The following DNAH14 variants were observed in gnomAD, a reference collection of about 807,000 sequenced individuals.
DNAH14 encodes the protein dynein axonemal heavy chain 14, also known as axonemal beta dynein heavy chain 14.
DNAH14 carries 478 observed loss-of-function variants against 520.9 expected under a neutral mutation model. The observed-to-expected ratio is 0.92, with a 90% CI of 0.85 to 0.99. The LOEUF is 0.99. DNAH14 is among the 50% of genes least tolerant of loss of function. The probability of loss-of-function intolerance (pLI) is 0.00; values close to 1 mark genes in which losing one functional copy is unlikely to be tolerated. For synonymous variants in DNAH14, 1,581 were observed against 1,757.2 expected, an observed-to-expected ratio of 0.90 and a Z score of 2.51; for missense variants, 4,831 against 5,234.5, an observed-to-expected ratio of 0.92 and a Z score of 2.38.
In DNAH14 at chr1:225,232,273, A is replaced by ATT. The variant is rs1417267596; in HGVS notation, c.6518+1123_6518+1124insTT. 6.9e-6 allele frequency among the ~76,000 whole-genome samples: 1 copy of ATT among 144,296 alleles called. No homozygotes were observed. The highest frequency in any genetic ancestry group is 2.7e-5 in the African/African-American group (1 of 37,288). The allele number at this position is 144,296 out of a possible 152,430, so 94.7% of individuals were successfully genotyped here. A position where few individuals can be genotyped will look rare whatever the true frequency, so the allele number is the denominator to read the frequency against. ...TCATTATATATATAAACTGTGATATATATATATACACACACACACACACAC... is the reference window on the plus strand; with the variant it reads ...TCATTATATATATAAACTGTGATATATTTATATATACACACACACACACACAC... On this transcript the variant is annotated intron_variant, in intron 42 of 85. Coordinates refer to ENST00000682510, the MANE Select transcript of DNAH14 (RefSeq NM_001367479.1). The surrounding 1 kb of genome is among the most constrained non-coding windows in gnomAD (Gnocchi z 4.2).
intron 27 of DNAH14, among the ~76,000 whole-genome samples, chr1:225,135,537 T>G (rs1484569599): frequency 6.6e-6 from 1 of 152,202 alleles, no homozygotes; most frequent in Admixed American, 6.5e-5. Flanking sequence ...ATTTCAGGTC[T>G]TCTGCATTTG....
chr1:225,044,337 G>A (rs1479441907), intron 15 of DNAH14, among the ~76,000 whole-genome samples: 1 of 152,064 alleles, frequency 6.6e-6, no homozygotes, highest in Non-Finnish European at 1.5e-5. Flanking sequence ...TAATTATTTT[G>A]CAGCTGTATG....
At chr1:224,956,728 A>T (rs1300370706) in intron 3 of DNAH14, among the ~76,000 whole-genome samples, 3 of 152,052 alleles carry the variant, frequency 2.0e-5, no homozygotes, top group Non-Finnish European at 4.4e-5. Flanking sequence ...CTGCCTGAAG[A>T]TGGGTATATT....
intron 44 of DNAH14, among the ~76,000 whole-genome samples, chr1:225,254,390 C>G (rs2092665999): frequency 6.6e-6 from 1 of 152,130 alleles, no homozygotes; most frequent in African/African-American, 2.4e-5. Context: ...AAGTCAGATG[C>G]TGGGCAATGA....
chr1:225,096,133 TTTG>T (rs59833560), intron 21 of DNAH14, among the ~76,000 whole-genome samples: 22 of 150,590 alleles, frequency 1.5e-4, no homozygotes, highest in African/African-American at 4.7e-4. Flanking sequence ...GCCTGACTAA[TTTG>T]TTGTTGTTGT....
At chr1:225,099,301 G>T (rs2075249633) in intron 22 of DNAH14, among the ~76,000 whole-genome samples, 1 of 152,136 alleles carries the variant, frequency 6.6e-6, no homozygotes, top group Non-Finnish European at 1.5e-5. Flanking sequence ...ACTAGCGCTT[G>T]CCTCTTCTCT....
At chr1:225,302,873 A>C (rs1431572884) in intron 56 of DNAH14, among the ~76,000 whole-genome samples, 2 of 152,174 alleles carry the variant, frequency 1.3e-5, no homozygotes, top group African/African-American at 4.8e-5. Context: ...AGTCAGACCC[A>C]GCACCATCTG....
At chr1:225,275,116 G>A (rs964266535) in intron 52 of DNAH14, among the ~76,000 whole-genome samples, 1 of 152,090 alleles carries the variant, frequency 6.6e-6, no homozygotes, top group African/African-American at 2.4e-5. Context: ...TCAAACCTAG[G>A]ATATCTAATG....
At chr1:225,368,351 A>G (rs369493537) in intron 77 of DNAH14, among the ~76,000 whole-genome samples, 106 of 152,340 alleles carry the variant, frequency 7.0e-4, no homozygotes, top group African/African-American at 2.4e-3. Flanking sequence ...GAGGATCATT[A>G]TGTAATTATA....
At chr1:225,196,207 G>A (rs2086107904) in intron 38 of DNAH14, among the ~76,000 whole-genome samples, 1 of 151,838 alleles carries the variant, frequency 6.6e-6, no homozygotes. Context: ...AGTCCACTGT[G>A]TCATTCTTAT....
intron 66 of DNAH14, among the ~76,000 whole-genome samples, chr1:225,335,123 G>A (rs1161036712): frequency 6.9e-5 from 10 of 144,722 alleles, no homozygotes; most frequent in South Asian, 2.1e-4. Context: ...ATATACATGT[G>A]TACATATGTG....
chr1:225,367,246 G>A (rs957288530), intron 76 of DNAH14, among the ~76,000 whole-genome samples: 8 of 151,992 alleles, frequency 5.3e-5, no homozygotes, highest in East Asian at 1.9e-4. Flanking sequence ...CCTCAGTCTC[G>A]CATCATTTCC....
chr1:225,079,414 C>T lies in DNAH14; in HGVS notation c.2632C>T (p.Leu878Phe). The change falls in exon 18 of 86, where the codon CTT (leucine) becomes TTT (phenylalanine). Residue 878 changes from leucine to phenylalanine, a missense_variant. Coordinates refer to ENST00000682510, the MANE Select transcript of DNAH14 (RefSeq NM_001367479.1). ...EQIAIFQVLLLKFSQLKSSMK... is the reference protein window; with the variant it reads ...EQIAIFQVLLFKFSQLKSSMK... ...AATTGCCATATTCCAAGTTCTTCTT[C>T]TTAAGTTTAGTCAACTAAAATCATC... 3.9e-6 allele frequency: 6 copies of T among 1,550,242 alleles called. No homozygotes were observed. The highest frequency in any genetic ancestry group is 5.2e-6 in the Non-Finnish European group (6 of 1,146,650).
At chr1:224,972,612 C>G (rs2061567023) in intron 7 of DNAH14, among the ~76,000 whole-genome samples, 1 of 151,920 alleles carries the variant, frequency 6.6e-6, no homozygotes, top group African/African-American at 2.4e-5. Flanking sequence ...ACTACAGGCG[C>G]CTGCCACCAC....
intron 72 of DNAH14, among the ~76,000 whole-genome samples, chr1:225,352,427 G>A (rs1241387179): frequency 6.6e-6 from 1 of 151,896 alleles, no homozygotes; most frequent in African/African-American, 2.4e-5. Flanking sequence ...ATTATATTAT[G>A]CAATAACATA....
intron 23 of DNAH14, among the ~76,000 whole-genome samples, chr1:225,116,000 G>A (rs1053593942): frequency 6.6e-6 from 1 of 152,186 alleles, no homozygotes; most frequent in African/African-American, 2.4e-5. Context: ...AATGATAACT[G>A]GTCTTGAAAG....
At position 225,252,366 on chromosome 1, in the gene DNAH14, T is replaced by C. The variant is rs2092586521; in HGVS notation, c.6814T>C (p.Phe2272Leu). Residue 2272 changes from phenylalanine (F) to leucine (L), a missense_variant, in exon 44 of 86, where the codon TTC (phenylalanine) becomes CTC (leucine). By Grantham distance (22) the Phe-to-Leu change is conservative. Transcript: ENST00000682510. ...GYFVDIEQCE[F>L]IPWSDLVPND... ...TTTTGTGGATATAGAGCAATGTGAA[T>C]TCATACCTTGGTCAGATTTAGTTCC... is the stretch of plus-strand genomic sequence containing the variant. The C allele has an allele frequency of 6.5e-7, 1 of 1,549,726 alleles. No homozygotes were observed. The highest frequency in any genetic ancestry group is 2.0e-5 in the Admixed American group (1 of 50,884).
chr1:225,003,356 T>C (rs1572386513), intron 9 of DNAH14, among the ~76,000 whole-genome samples: 1 of 152,138 alleles, frequency 6.6e-6, no homozygotes, highest in Non-Finnish European at 1.5e-5. Flanking sequence ...TAACTTAATT[T>C]ATATAAGATA....
rs1248019734 is a variant in DNAH14 at position 225,270,787 on chromosome 1, T to TTC, written c.7592_7593insTC (p.Ser2532ProfsTer50). 3.2e-6 allele frequency: 5 copies of TTC among 1,551,136 alleles called. No individual in the cohort carries two copies. The African/African-American group carries it at 6.8e-5, about 21-fold the overall frequency. Reference sequence around the variant, plus strand: ...GCTTGTGTTCCAGTTGTGAATGATATCAGCCCACGTCTTCTCAAACACTTT... The same window carrying TTC: ...GCTTGTGTTCCAGTTGTGAATGATATTCCAGCCCACGTCTTCTCAAACACTTT... On this transcript the variant is annotated frameshift_variant, in exon 50 of 86. Transcript: ENST00000682510. LOFTEE classifies it high-confidence loss of function.
Sources: gnomAD v4.1 joint callset for allele counts (sites outside exome capture counted in the v4.1 genomes callset) on GRCh38, gnomAD v4.1.1 for gene constraint, Gnocchi (gnomAD v3.1) non-coding constraint, MANE v1.5 for transcripts, NCBI Gene and HGNC (gene_info 2026-07-23, HGNC 2026-07-21) for gene names.